Variants in AGAP1 observed in about 807,000 individuals in gnomAD.
AGAP1 encodes the protein ArfGAP with GTPase domain, ankyrin repeat and PH domain 1.
In AGAP1, 29 loss-of-function variants were observed where a neutral mutation model predicts 105.3. That is an observed-to-expected ratio of 0.28 (90% CI 0.21 to 0.38). AGAP1 has a LOEUF of 0.38. AGAP1 is among the 10% of genes least tolerant of loss of function. AGAP1 has a pLI of 1.00. For missense variants in AGAP1, 998 were observed against 1,165.1 expected (o/e 0.86, Z 2.09); for synonymous variants, 509 against 485.9 (o/e 1.05, Z -0.63).
rs544480420 is a variant in AGAP1 at position 235,931,356 on chromosome 2, C to G, written c.1483+433C>G. ...ATTAGGGTGAATTCAGTCTCCTTGT[C>G]TGTTTTCCAGAATTCCTGGTGTACC... On this transcript the variant is annotated intron_variant, in intron 12 of 17. Coordinates refer to ENST00000304032, the MANE Select transcript of AGAP1 (RefSeq NM_001037131.3). This position sits in a 1 kb window ranked among gnomAD's most constrained non-coding sequence, Gnocchi z 5.6. Among the ~76,000 whole-genome samples, 1 of 152,306 alleles carries G rather than the reference C, an allele frequency of 6.6e-6. No homozygotes were observed. Among genetic ancestry groups the G allele is most frequent in the Middle Eastern group, 3.4e-3 (1 of 294 alleles).
chr2:235,575,868 C>T (rs775083188), intron 1 of AGAP1, among the ~76,000 whole-genome samples: 2 of 152,214 alleles, frequency 1.3e-5, no homozygotes, highest in Non-Finnish European at 2.9e-5. Context: ...AGTCTGTCTC[C>T]ATTGAATTGT....
At chr2:236,054,503 A>C (rs913714572) in intron 16 of AGAP1, among the ~76,000 whole-genome samples, 1 of 143,072 alleles carries the variant, frequency 7.0e-6, no homozygotes, top group African/African-American at 2.6e-5. Context: ...AAAAAAAGGG[A>C]GGGGGAGAAA....
At position 235,655,045 on chromosome 2, in the gene AGAP1, T is replaced by G. The variant is rs1947728248; in HGVS notation, c.164-54134T>G. Among the ~76,000 whole-genome samples, 1 of 151,898 alleles carries G rather than the reference T, an allele frequency of 6.6e-6. No homozygotes were observed. Among genetic ancestry groups the G allele is most frequent in the Non-Finnish European group, 1.5e-5 (1 of 68,014 alleles). On this transcript the variant is annotated intron_variant, in intron 1 of 17. Coordinates refer to ENST00000304032, the MANE Select transcript of AGAP1 (RefSeq NM_001037131.3). This position sits in a 1 kb window ranked among gnomAD's most constrained non-coding sequence, Gnocchi z 4.3. Reference sequence around the variant, plus strand: ...AAAGCTCTTTCATGAATAAAGAATATTAATTACTATATCCAGAATGATCCT... The same window carrying G: ...AAAGCTCTTTCATGAATAAAGAATAGTAATTACTATATCCAGAATGATCCT...
rs2051212949 is a variant in AGAP1, at chr2:235,904,564, A to G, written c.1156-4174A>G. Among the ~76,000 whole-genome samples, 1 of 152,198 alleles carries G rather than the reference A, an allele frequency of 6.6e-6. No individual in the cohort carries two copies. The highest frequency in any genetic ancestry group is 1.5e-5 in the Non-Finnish European group (1 of 68,028). On this transcript the variant is annotated intron_variant, in intron 10 of 17. Coordinates refer to ENST00000304032, the MANE Select transcript of AGAP1 (RefSeq NM_001037131.3). The surrounding 1 kb of genome is among the most constrained non-coding windows in gnomAD (Gnocchi z 4.2). ...GGTTTTTCCTCTTTTATCTTCGATC[A>G]GCATTTTCAACAAGGAACATGGAGA...
At chr2:235,786,019 G>T (rs1418302537) in intron 6 of AGAP1, among the ~76,000 whole-genome samples, 1 of 152,176 alleles carries the variant, frequency 6.6e-6, no homozygotes, top group Non-Finnish European at 1.5e-5. Flanking sequence ...TCACCTTCAG[G>T]GGATGGCAGA....
chr2:235,785,914 A>G (rs1956601683), intron 6 of AGAP1, among the ~76,000 whole-genome samples: 1 of 152,196 alleles, frequency 6.6e-6, no homozygotes, highest in African/African-American at 2.4e-5. Context: ...TTTTAAAAAA[A>G]ACGTGGATGG....
At chr2:235,584,984 A>G (rs1007651912) in intron 1 of AGAP1, among the ~76,000 whole-genome samples, 10 of 144,682 alleles carry the variant, frequency 6.9e-5, no homozygotes, top group African/African-American at 2.6e-4. Flanking sequence ...CCACTTAGGT[A>G]CAGTGCTGCT....
Position 236,018,456 on chromosome 2 carries a change from C to T in AGAP1, c.1646-18105C>T, listed in dbSNP as rs570325882. Reference sequence around the variant, plus strand: ...TGCACCGCAGGGCAGAATTGCACAACACCTGGACCCATCTCCAGGCCTCAC... The same window carrying T: ...TGCACCGCAGGGCAGAATTGCACAATACCTGGACCCATCTCCAGGCCTCAC... On this transcript the variant is annotated intron_variant, in intron 13 of 17. Transcript: ENST00000304032. Among the ~76,000 whole-genome samples the T allele has an allele frequency of 3.7e-4, 56 of 152,344 alleles. No homozygotes were observed. The South Asian group carries it at 0.011, about 30-fold the overall frequency.
At chr2:235,573,061 T>TTCTTCTTCTTCTTCTTC (rs771569923) in intron 1 of AGAP1, among the ~76,000 whole-genome samples, 3 of 67,374 alleles carry the variant, frequency 4.5e-5, no homozygotes, top group East Asian at 1.4e-3. Flanking sequence ...CTTCTTCTTC[T>TTCTTCTTCTTCTTCTTC]TTCTTCTTTC....
chr2:236,011,148 C>T (rs1348196620), intron 13 of AGAP1, among the ~76,000 whole-genome samples: 2 of 152,292 alleles, frequency 1.3e-5, no homozygotes, highest in Non-Finnish European at 2.9e-5. Context: ...CTTGTTTGAC[C>T]TCTTGCTGTG....
rs1286067989 is a variant in AGAP1, at chr2:236,014,259, C to T, written c.1646-22302C>T. 6.6e-6 allele frequency among the ~76,000 whole-genome samples: 1 copy of T among 152,174 alleles called. No homozygotes were observed. Among genetic ancestry groups the T allele is most frequent in the Non-Finnish European group, 1.5e-5 (1 of 68,038 alleles). On this transcript the variant is annotated intron_variant, in intron 13 of 17. Transcript: ENST00000304032. This position sits in a 1 kb window ranked among gnomAD's most constrained non-coding sequence, Gnocchi z 6.3. Reference sequence around the variant, plus strand: ...AGCAGAATGGCACTAGGGGGTTTTGCTGCTGTAGGTATTGCCTGAATCAAA... The same window carrying T: ...AGCAGAATGGCACTAGGGGGTTTTGTTGCTGTAGGTATTGCCTGAATCAAA...
chr2:235,857,698 A>G (rs1280791325), intron 9 of AGAP1, among the ~76,000 whole-genome samples: 1 of 152,242 alleles, frequency 6.6e-6, no homozygotes, highest in African/African-American at 2.4e-5. Context: ...TAGCTTTTGT[A>G]TAGCAGCAAA....
At position 235,930,795 on chromosome 2, in the gene AGAP1, T is replaced by G. The variant is rs764644923; in HGVS notation, c.1355T>G (p.Met452Arg). The G allele has an allele frequency of 6.2e-7, 1 of 1,614,064 alleles. No homozygotes were observed. The highest frequency in any genetic ancestry group is 1.1e-5 in the South Asian group (1 of 91,070). The change falls in exon 12 of 18, where the codon ATG becomes AGG. Residue 452 changes from methionine (M) to arginine (R), a missense_variant. Physicochemically the swap from Met to Arg is moderately conservative, Grantham distance 91 (BLOSUM62 -1). This residue lies in a region of AGAP1 where 735 missense variants were observed against 833.4 expected (regional missense o/e 0.88). Transcript: ENST00000304032. The surrounding 1 kb of genome is among the most constrained non-coding windows in gnomAD (Gnocchi z 7.9). ...GNVTSASGSQ[M>R]ASGISLVSFN... ...GTCACTAGTGCATCTGGGTCTCAGA[T>G]GGCAAGCGGCATCAGCCTGGTCTCC...
chr2:235,852,699 T>G, intron 9 of AGAP1: 1 of 1,504,596 alleles, frequency 6.6e-7, no homozygotes, highest in Non-Finnish European at 8.9e-7. Flanking sequence ...CTGCCCTTCT[T>G]TGTCCTTGCA....
intron 1 of AGAP1, among the ~76,000 whole-genome samples, chr2:235,520,061 C>T (rs1392473047): frequency 6.6e-6 from 1 of 152,194 alleles, no homozygotes; most frequent in Admixed American, 6.5e-5. Context: ...GGATTATAGG[C>T]ATGAGCCACC....
intron 13 of AGAP1, among the ~76,000 whole-genome samples, chr2:236,006,950 G>T (rs572821595): frequency 1.3e-5 from 2 of 152,302 alleles, no homozygotes; most frequent in African/African-American, 4.8e-5. Context: ...TGTTAGCCCT[G>T]CAGTGCTTTT....
rs747408711 is a variant in AGAP1, at chr2:235,586,901, C to T, written c.163+92052C>T. ...TCATATACCATGCACAGCCTGTCAG[C>T]ATACAGCTTGAATGAACTCACGTGT... On this transcript the variant is annotated intron_variant, in intron 1 of 17. Transcript: ENST00000304032. This position sits in a 1 kb window ranked among gnomAD's most constrained non-coding sequence, Gnocchi z 4.2. Among the ~76,000 whole-genome samples, 3 of 152,164 alleles carry T rather than the reference C, an allele frequency of 2.0e-5. No homozygotes were observed. Among genetic ancestry groups the T allele is most frequent in the African/African-American group, 4.8e-5 (2 of 41,444 alleles).
At chr2:236,112,016 C>T (rs1041550482) in intron 16 of AGAP1, among the ~76,000 whole-genome samples, 1 of 152,152 alleles carries the variant, frequency 6.6e-6, no homozygotes, top group Admixed American at 6.5e-5. Flanking sequence ...CGTGGTCTTC[C>T]CTCGGGCTTT....
Position 235,686,586 on chromosome 2 carries a change from C to CAT in AGAP1, c.164-22592_164-22591insTA, listed in dbSNP as rs1482332513. ...ACACACACACACACACACACACACA[C>CAT]ACGTGTGTGTGTATATATATACGTG... On this transcript the variant is annotated intron_variant, in intron 1 of 17. Coordinates refer to ENST00000304032, the MANE Select transcript of AGAP1 (RefSeq NM_001037131.3). 9.3e-4 allele frequency among the ~76,000 whole-genome samples: 120 copies of CAT among 129,264 alleles called. 1 individual carries two copies. Among genetic ancestry groups the CAT allele is most frequent in the South Asian group, 7.3e-3 (30 of 4,128 alleles). 84.8% of individuals were successfully genotyped at this position (129,264 alleles called of 152,430 possible). A position where few individuals can be genotyped will look rare whatever the true frequency, so the allele number is the denominator to read the frequency against.
Sources: gnomAD v4.1 joint callset for allele counts (sites outside exome capture counted in the v4.1 genomes callset) on GRCh38, gnomAD v4.1.1 for gene constraint, gnomAD v4.1.1 regional missense constraint, Gnocchi (gnomAD v3.1) non-coding constraint, MANE v1.5 for transcripts, NCBI Gene and HGNC (gene_info 2026-07-23, HGNC 2026-07-21) for gene names.